Variants in SLC30A3 observed in about 807,000 individuals in gnomAD.
SLC30A3 encodes probable proton-coupled zinc antiporter SLC30A3.
SLC30A3 carries 20 observed loss-of-function variants against 35.6 expected under a neutral mutation model. The ratio of observed to expected loss-of-function variants is 0.56; its 90% CI spans 0.39 to 0.82. The LOEUF (loss-of-function observed/expected upper bound fraction) is 0.82. SLC30A3 is among the 40% of genes least tolerant of loss of function. SLC30A3 has a pLI of 0.00. For synonymous variants in SLC30A3, 217 were observed against 224.7 expected, an observed-to-expected ratio of 0.97 and a Z score of 0.31; for missense variants, 401 against 530.6, an observed-to-expected ratio of 0.76 and a Z score of 2.40.
rs1281941201 is a variant in SLC30A3 at position 27,257,958 on chromosome 2, G to A, written c.525C>T (p.Ile175=). The A allele has an allele frequency of 2.5e-6, 4 of 1,614,076 alleles. No homozygotes were observed. The highest frequency in any genetic ancestry group is 1.1e-5 in the South Asian group (1 of 91,088). ...FVRLLHSDYH[I]EGGAMLLTAS... ...CGGTCAGCAGCATGGCACCCCCCTC[G>A]ATGTGGTAGTCGCTGTGCAGCAGGC... Residue 175 remains isoleucine (I), a synonymous_variant, in exon 4 of 8, where the codon ATC becomes ATT. Coordinates refer to ENST00000233535, the MANE Select transcript of SLC30A3 (RefSeq NM_003459.5). This position sits in a 1 kb window ranked among gnomAD's most constrained non-coding sequence, Gnocchi z 4.7.
In SLC30A3 at chr2:27,258,548, A is replaced by T; in HGVS notation, c.277+205T>A. ...GGGTTTTTAAAAGAAGTCAGCCCTG[A>T]CCTACTGGCCCCGGACCTCGGCTGG... On this transcript the variant is annotated intron_variant, in intron 2 of 7. Transcript: ENST00000233535. This position sits in a 1 kb window ranked among gnomAD's most constrained non-coding sequence, Gnocchi z 4.0. 1 of 668,904 alleles carries T rather than the reference A, an allele frequency of 1.5e-6. No homozygotes were observed. Among genetic ancestry groups the T allele is most frequent in the Non-Finnish European group, 2.5e-6 (1 of 405,480 alleles). The allele number at this position is 668,904 out of a possible 1,614,324, so 41.4% of individuals were successfully genotyped here.
chr2:27,275,163 T>C (rs1677951967), intron 1 of SLC30A3: 1 of 1,302,896 alleles, frequency 7.7e-7, no homozygotes, highest in Non-Finnish European at 1.0e-6. Context: ...AAGAAGGGCA[T>C]GCAGCAGCCA....
chr2:27,256,356 T>C, intron 7 of SLC30A3, 30 bp downstream of exon 7: 1 of 1,612,592 alleles, frequency 6.2e-7, no homozygotes, highest in South Asian at 1.1e-5. Context: ...ATGTTCCAGG[T>C]AGTAACTAGC....
In SLC30A3 at chr2:27,258,450, T is replaced by G. The variant is rs571190598; in HGVS notation, c.278-143A>C. On this transcript the variant is annotated intron_variant, in intron 2 of 7. Transcript: ENST00000233535. The surrounding 1 kb of genome is among the most constrained non-coding windows in gnomAD (Gnocchi z 4.0). ...TGATGGGACTACAGGTATAATTAAC[T>G]ACTGTTATGTTATTTTTTTCATTCA... 5.6e-5 allele frequency: 40 copies of G among 714,664 alleles called. No homozygotes were observed. Among genetic ancestry groups the G allele is most frequent in the Non-Finnish European group, 8.5e-5 (38 of 446,044 alleles). The allele number at this position is 714,664 out of a possible 1,614,324, so 44.3% of individuals were successfully genotyped here.
At chr2:27,264,302 G>A (rs1304596879), upstream of SLC30A3, among the ~76,000 whole-genome samples, 1 of 152,100 alleles carries the variant, frequency 6.6e-6, no homozygotes, top group African/African-American at 2.4e-5. The surrounding 1 kb of genome is among the most constrained non-coding windows in gnomAD (Gnocchi z 6.1). Context: ...ACCTACCCTC[G>A]ATATTGTTAT....
Position 27,257,073 on chromosome 2 carries a change from G to A in SLC30A3, c.777+81C>T, listed in dbSNP as rs1230532993. On this transcript the variant is annotated intron_variant, in intron 5 of 7. Coordinates refer to ENST00000233535, the MANE Select transcript of SLC30A3 (RefSeq NM_003459.5). The surrounding 1 kb of genome is among the most constrained non-coding windows in gnomAD (Gnocchi z 4.7). Reference sequence around the variant, plus strand: ...AGGGAGGAGCTGGAGGGAGGAGGAAGGAAGCTTTGGGACCTGGGAAGGAGT... The same window carrying A: ...AGGGAGGAGCTGGAGGGAGGAGGAAAGAAGCTTTGGGACCTGGGAAGGAGT... 1.4e-6 allele frequency: 2 copies of A among 1,407,706 alleles called. No homozygotes were observed. Among genetic ancestry groups the A allele is most frequent in the Admixed American group, 1.7e-5 (1 of 57,698 alleles). 87.2% of individuals were successfully genotyped at this position (1,407,706 alleles called of 1,614,324 possible). A position where few individuals can be genotyped will look rare whatever the true frequency, so the allele number is the denominator to read the frequency against.
chr2:27,258,342 T>C lies in SLC30A3; in HGVS notation c.278-35A>G. On this transcript the variant is annotated intron_variant, in intron 2 of 7. Transcript: ENST00000233535. The surrounding 1 kb of genome is among the most constrained non-coding windows in gnomAD (Gnocchi z 4.0). ...TGAAATGATGGAGTCTGCTTCCATT[T>C]AGAAAATATCATGTAGTGTGTATAG... The C allele has an allele frequency of 6.6e-7, 1 of 1,506,320 alleles. No individual in the cohort carries two copies. Among genetic ancestry groups the C allele is most frequent in the Non-Finnish European group, 8.9e-7 (1 of 1,126,472 alleles). 93.3% of individuals were successfully genotyped at this position (1,506,320 alleles called of 1,614,324 possible).
At chr2:27,275,546 A>C, upstream of SLC30A3, 3 of 297,754 alleles carry the variant, frequency 1.0e-5, no homozygotes, top group South Asian at 2.9e-5. Flanking sequence ...TAAGAGAACG[A>C]CTCCCAGGTA....
upstream of SLC30A3, among the ~76,000 whole-genome samples, chr2:27,263,818 C>A (rs1433048761): frequency 6.9e-6 from 1 of 144,468 alleles, no homozygotes; most frequent in Non-Finnish European, 1.5e-5. Flanking sequence ...AGTTCTCTTA[C>A]GGGCGGGGGT....
At position 27,258,995 on chromosome 2, in the gene SLC30A3, G is replaced by A. The variant is rs771443787; in HGVS notation, c.96-61C>T. The A allele has an allele frequency of 1.3e-5, 18 of 1,358,570 alleles. No individual in the cohort carries two copies. The highest frequency in any genetic ancestry group is 2.5e-5 in the Admixed American group (1 of 40,280). The allele number at this position is 1,358,570 out of a possible 1,614,324, so 84.2% of individuals were successfully genotyped here. A position where few individuals can be genotyped will look rare whatever the true frequency, so the allele number is the denominator to read the frequency against. On this transcript the variant is annotated intron_variant, in intron 1 of 7. Transcript: ENST00000233535. The surrounding 1 kb of genome is among the most constrained non-coding windows in gnomAD (Gnocchi z 4.0). ...CCACAGGCTGGCCTGCTCACTCCAC[G>A]TCCTTAGTCCCCAGTGCTGGCCTCA...
upstream of SLC30A3, chr2:27,263,361 A>G (rs1239876208): frequency 6.5e-6 from 3 of 463,398 alleles, no homozygotes; most frequent in Non-Finnish European, 1.3e-5. Context: ...CCCAACGACC[A>G]CCACTCTGTG....
intron 1 of SLC30A3, among the ~76,000 whole-genome samples, chr2:27,274,973 G>C (rs1158421489): frequency 6.6e-6 from 1 of 152,180 alleles, no homozygotes. Flanking sequence ...CGATATACTA[G>C]GAGAAATGCT....
rs538009364 is a variant in SLC30A3, at chr2:27,256,471, C to T, written c.933G>A (p.Ser311=). Residue 311 remains serine, a synonymous_variant, in exon 7 of 8, where the codon TCG becomes TCA. Transcript: ENST00000233535. Reference sequence around the variant, plus strand: ...CATGGGTTGCCCGGACTCCTGGCACCGACAACAGCGTATCCCGCACAGGTT... The same window carrying T: ...CATGGGTTGCCCGGACTCCTGGCACTGACAACAGCGTATCCCGCACAGGTT... ...GFEPVRDTLL[S]VPGVRATHEL... is the part of the protein sequence containing the mutation. 28 of 1,614,004 alleles carry T rather than the reference C, an allele frequency of 1.7e-5. No homozygotes were observed. In the Admixed American group the frequency reaches 1.8e-4, roughly 11 times the overall value.
chr2:27,263,668 C>T (rs1004204765), upstream of SLC30A3, among the ~76,000 whole-genome samples: 17 of 151,018 alleles, frequency 1.1e-4, no homozygotes, highest in Non-Finnish European at 2.4e-4. Context: ...GTTATCCCTG[C>T]TTTTCAAATG....
chr2:27,265,916 G>T (rs895944450), upstream of SLC30A3, among the ~76,000 whole-genome samples: 2 of 152,106 alleles, frequency 1.3e-5, no homozygotes, highest in Admixed American at 6.5e-5. This position sits in a 1 kb window ranked among gnomAD's most constrained non-coding sequence, Gnocchi z 5.9. Flanking sequence ...GGATGGAGGA[G>T]GTAGGATTTT....
In SLC30A3 at chr2:27,258,291, G is replaced by T. The variant is rs1261502133; in HGVS notation, c.294C>A (p.His98Gln). Residue 98 changes from histidine to glutamine, a missense_variant, in exon 3 of 8, where the codon CAC (histidine) becomes CAA (glutamine). By Grantham distance (24) the His-to-Gln change is conservative (BLOSUM62 0). Transcript: ENST00000233535. This position sits in a 1 kb window ranked among gnomAD's most constrained non-coding sequence, Gnocchi z 4.0. ...CTGCATCGGTCATGATGGCCAGGCT[G>T]TGTGCCAGATACCCGCCTGCCAGGG... is the stretch of plus-strand genomic sequence containing the variant. ...AGEVVGGYLA[H>Q]SLAIMTDAAH... 1.3e-6 allele frequency: 2 copies of T among 1,521,570 alleles called. No homozygotes were observed. The highest frequency in any genetic ancestry group is 1.8e-6 in the Non-Finnish European group (2 of 1,133,624). The allele number at this position is 1,521,570 out of a possible 1,614,324, so 94.3% of individuals were successfully genotyped here.
intron 1 of SLC30A3, among the ~76,000 whole-genome samples, chr2:27,272,809 T>C (rs1266399260): frequency 6.6e-6 from 1 of 151,584 alleles, no homozygotes. Flanking sequence ...CCCTGCACTT[T>C]TGGAGGCTGA....
At chr2:27,272,597 T>G (rs1311642023) in intron 1 of SLC30A3, among the ~76,000 whole-genome samples, 1 of 151,714 alleles carries the variant, frequency 6.6e-6, no homozygotes, top group Non-Finnish European at 1.5e-5. Context: ...CCAGCTAATT[T>G]TTTTATTTTT....
chr2:27,264,641 C>G (rs1677410161), upstream of SLC30A3, among the ~76,000 whole-genome samples: 1 of 152,186 alleles, frequency 6.6e-6, no homozygotes, highest in Non-Finnish European at 1.5e-5. This position sits in a 1 kb window ranked among gnomAD's most constrained non-coding sequence, Gnocchi z 6.1. Flanking sequence ...CTCTCCTCCG[C>G]GCCAGCCCCC....
Sources: allele counts gnomAD v4.1 joint callset (sites outside exome capture counted in the v4.1 genomes callset), GRCh38; gene constraint gnomAD v4.1.1; non-coding constraint Gnocchi (gnomAD v3.1); transcripts MANE v1.5; gene names NCBI Gene and HGNC (gene_info 2026-07-23, HGNC 2026-07-21).